Variants in MAGI1 observed in about 807,000 individuals in gnomAD.
MAGI1 encodes membrane associated guanylate kinase, WW and PDZ domain containing 1.
A neutral mutation model predicts 139.9 loss-of-function variants in MAGI1; 58 were observed. That is an observed-to-expected ratio of 0.41 (90% CI 0.34 to 0.52). The LOEUF (loss-of-function observed/expected upper bound fraction) is 0.52. Ranked by LOEUF, MAGI1 falls within the 20% of genes least tolerant of loss-of-function variation. The pLI is 0.12. For missense variants in MAGI1, 1,874 were observed against 1,901.6 expected (o/e 0.99, Z 0.27); for synonymous variants, 812 against 737.9 (o/e 1.10, Z -1.63).
At chr3:65,630,947 G>T (rs375080784) in intron 1 of MAGI1, among the ~76,000 whole-genome samples, 65 of 152,352 alleles carry the variant, frequency 4.3e-4, no homozygotes, top group African/African-American at 1.5e-3. Flanking sequence ...TATTCTACGT[G>T]TGTAACAATG....
intron 1 of MAGI1, among the ~76,000 whole-genome samples, chr3:65,693,595 A>G (rs2088871345): frequency 6.6e-6 from 1 of 152,162 alleles, no homozygotes; most frequent in Non-Finnish European, 1.5e-5. Flanking sequence ...CTGTCCTCTC[A>G]CCAAAGAGGA....
intron 12 of MAGI1, chr3:65,401,945 T>C: frequency 1.0e-6 from 1 of 973,146 alleles, no homozygotes; most frequent in Non-Finnish European, 1.2e-6. Context: ...ATTTTTTTGG[T>C]CTTTTCTTTT....
In MAGI1 at chr3:65,583,978, G is replaced by A. The variant is rs2106668972; in HGVS notation, c.430+37994C>T. On this transcript the variant is annotated intron_variant, in intron 2 of 22. Transcript: ENST00000402939. The stretch of plus-strand genomic sequence containing the variant: ...TGGAGAACTTTCCACAGTGACAGTG[G>A]TGTGAAGTTCATAGCAATAAAATAA... Among the ~76,000 whole-genome samples the A allele has an allele frequency of 1.3e-5, 2 of 150,464 alleles. 1 individual carries two copies. Among genetic ancestry groups the A allele is most frequent in the South Asian group, 4.3e-4 (2 of 4,676 alleles).
chr3:65,878,088 G>A (rs1249062895), intron 1 of MAGI1, among the ~76,000 whole-genome samples: 2 of 151,628 alleles, frequency 1.3e-5, no homozygotes, highest in Non-Finnish European at 2.9e-5. Flanking sequence ...TCCAGCCTAC[G>A]TGACAGAGTG....
chr3:65,876,745 CTTTT>C (rs1429265761), intron 1 of MAGI1, among the ~76,000 whole-genome samples: 1 of 133,834 alleles, frequency 7.5e-6, no homozygotes. Flanking sequence ...ATGTATCATG[CTTTT>C]TTTTTTTTTT....
At chr3:65,703,831 T>C (rs1211752634) in intron 1 of MAGI1, among the ~76,000 whole-genome samples, 1 of 152,140 alleles carries the variant, frequency 6.6e-6, no homozygotes, top group Non-Finnish European at 1.5e-5. Context: ...AGATTAGTAA[T>C]AGCAATGAGG....
At chr3:65,392,447 G>A (rs912021142) in intron 13 of MAGI1, among the ~76,000 whole-genome samples, 1 of 152,142 alleles carries the variant, frequency 6.6e-6, no homozygotes, top group East Asian at 1.9e-4. Flanking sequence ...ATGGGGTAGA[G>A]GACAGGAAAG....
At chr3:65,459,530 T>G (rs1949634827) in intron 5 of MAGI1, among the ~76,000 whole-genome samples, 1 of 152,230 alleles carries the variant, frequency 6.6e-6, no homozygotes, top group South Asian at 2.1e-4. Context: ...CTCATGATTT[T>G]CTACTAAGAT....
At chr3:65,716,096 C>T (rs2032205522) in intron 1 of MAGI1, among the ~76,000 whole-genome samples, 1 of 152,158 alleles carries the variant, frequency 6.6e-6, no homozygotes, top group African/African-American at 2.4e-5. Context: ...CCATTCGAGC[C>T]CCCTCAAATT....
intron 1 of MAGI1, among the ~76,000 whole-genome samples, chr3:65,880,427 T>C (rs187721814): frequency 4.6e-5 from 7 of 151,866 alleles, no homozygotes; most frequent in Non-Finnish European, 7.4e-5. Context: ...ACATCTCATA[T>C]CCCCTGTCAG....
intron 4 of MAGI1, among the ~76,000 whole-genome samples, chr3:65,474,432 G>A (rs552718293): frequency 1.3e-5 from 2 of 152,300 alleles, no homozygotes; most frequent in African/African-American, 2.4e-5. Context: ...GTTCAGTGGT[G>A]TAACAGGTAC....
Position 65,354,799 on chromosome 3 carries a change from G to A in MAGI1, c.*1579C>T, listed in dbSNP as rs1940128055. ...AATTCTCTTTTATACAAGAAAAAAA[G>A]GCAACAGTTGTTTTCTTTTTTTTCC... On this transcript the variant is annotated 3_prime_UTR_variant, in exon 23 of 23. Coordinates refer to ENST00000402939, the MANE Select transcript of MAGI1 (RefSeq NM_001033057.2). 1 of 152,232 alleles carries A rather than the reference G, an allele frequency of 6.6e-6. No individual in the cohort carries two copies. The highest frequency in any genetic ancestry group is 2.4e-5 in the African/African-American group (1 of 41,344). 9.4% of individuals were successfully genotyped at this position (152,232 alleles called of 1,614,324 possible). A position where few individuals can be genotyped will look rare whatever the true frequency, so the allele number is the denominator to read the frequency against.
At chr3:65,727,404 A>G (rs1210611342) in intron 1 of MAGI1, among the ~76,000 whole-genome samples, 3 of 152,110 alleles carry the variant, frequency 2.0e-5, no homozygotes, top group Non-Finnish European at 2.9e-5. Context: ...CCATTTATTT[A>G]TTTGTTTTTG....
intron 2 of MAGI1, among the ~76,000 whole-genome samples, chr3:65,531,265 G>C (rs541449318): frequency 6.6e-6 from 1 of 151,842 alleles, no homozygotes; most frequent in East Asian, 1.9e-4. Context: ...TTATAGCTAG[G>C]GTTGTCATCT....
At position 65,726,360 on chromosome 3, in the gene MAGI1, C is replaced by T. The variant is rs529692875; in HGVS notation, c.314-104272G>A. On this transcript the variant is annotated intron_variant, in intron 1 of 22. Transcript: ENST00000402939. ...AATATTCAGCATACAGGATGCTAACCATTCAATCTGGTAAAGATATTGAGT... is the reference window on the plus strand; with the variant it reads ...AATATTCAGCATACAGGATGCTAACTATTCAATCTGGTAAAGATATTGAGT... Among the ~76,000 whole-genome samples the T allele has an allele frequency of 2.0e-5, 3 of 152,264 alleles. No individual in the cohort carries two copies. The South Asian group carries it at 6.2e-4, about 32-fold the overall frequency.
chr3:65,960,770 C>G (rs955061433), intron 1 of MAGI1, among the ~76,000 whole-genome samples: 1 of 152,206 alleles, frequency 6.6e-6, no homozygotes, highest in East Asian at 1.9e-4. Context: ...TTCAACTCTT[C>G]CATTTCTGTC....
intron 1 of MAGI1, among the ~76,000 whole-genome samples, chr3:65,705,166 T>G (rs1031095488): frequency 6.6e-6 from 1 of 152,142 alleles, no homozygotes; most frequent in Non-Finnish European, 1.5e-5. Flanking sequence ...CAAGGCCTAT[T>G]TGAAGAAAAA....
intron 1 of MAGI1, among the ~76,000 whole-genome samples, chr3:65,655,620 G>A (rs574786174): frequency 6.6e-6 from 1 of 152,322 alleles, no homozygotes; most frequent in Non-Finnish European, 1.5e-5. Context: ...ACAGTGCTAA[G>A]TGCTCGCATA....
At chr3:65,732,249 AAC>A (rs2034268297) in intron 1 of MAGI1, among the ~76,000 whole-genome samples, 1 of 152,212 alleles carries the variant, frequency 6.6e-6, no homozygotes, top group African/African-American at 2.4e-5. Flanking sequence ...ACTTAGGTAA[AAC>A]ACACAGACAA....
Sources: allele counts gnomAD v4.1 joint callset (sites outside exome capture counted in the v4.1 genomes callset), GRCh38; gene constraint gnomAD v4.1.1; transcripts MANE v1.5; gene names NCBI Gene and HGNC (gene_info 2026-07-23, HGNC 2026-07-21).